CD8B2: variants seen among roughly 807,000 people sequenced by gnomAD.
CD8B2 encodes the protein T-cell surface glycoprotein CD8 beta-2 chain.
Under a neutral mutation model 23.7 loss-of-function variants are expected in CD8B2, and 11 were observed. The observed-to-expected ratio is 0.46, with a 90% CI of 0.29 to 0.77. The LOEUF (loss-of-function observed/expected upper bound fraction) is 0.77, where lower values mean the gene tolerates loss of function less well. CD8B2 is among the 30% of genes least tolerant of loss of function. The probability of loss-of-function intolerance (pLI) is 0.09; values close to 1 mark genes in which losing one functional copy is unlikely to be tolerated. For missense variants in CD8B2, 197 were observed against 270.5 expected (o/e 0.73, Z 1.91); for synonymous variants, 90 against 109.3 (o/e 0.82, Z 1.10).
chr2:106,519,833 A>G (rs1486433283), intron 5 of CD8B2, among the ~76,000 whole-genome samples: 1 of 152,222 alleles, frequency 6.6e-6, no homozygotes, highest in Non-Finnish European at 1.5e-5. Flanking sequence ...AAGTTTACAA[A>G]TTTGTGTTGG....
At chr2:106,530,761 G>C (rs1679980862) in intron 5 of CD8B2, among the ~76,000 whole-genome samples, 1 of 152,240 alleles carries the variant, frequency 6.6e-6, no homozygotes, top group Non-Finnish European at 1.5e-5. Context: ...AGGTCATAAA[G>C]ACCTTGCTGA....
At chr2:106,529,759 A>C (rs1445323219) in intron 5 of CD8B2, among the ~76,000 whole-genome samples, 1 of 152,176 alleles carries the variant, frequency 6.6e-6, no homozygotes, top group Non-Finnish European at 1.5e-5. Context: ...CATGCATCAC[A>C]GGTGAACAGG....
intron 2 of CD8B2, among the ~76,000 whole-genome samples, chr2:106,492,854 G>A (rs546118721): frequency 2.3e-4 from 35 of 152,308 alleles, no homozygotes; most frequent in East Asian, 5.8e-4. Context: ...ATCCCTTCAC[G>A]TGGGGATCCA....
At chr2:106,505,977 C>G (rs1158564614) in intron 5 of CD8B2, among the ~76,000 whole-genome samples, 1 of 152,034 alleles carries the variant, frequency 6.6e-6, no homozygotes, top group Non-Finnish European at 1.5e-5. Context: ...ACTAAAAATA[C>G]AAAAAATTAA....
In CD8B2 at chr2:106,507,815, G is replaced by A. The variant is rs1405999697; in HGVS notation, c.*875G>A. 1 of 211,862 alleles carries A rather than the reference G, an allele frequency of 4.7e-6. No homozygotes were observed. The highest frequency in any genetic ancestry group is 6.5e-5 in the Admixed American group (1 of 15,294). 13.1% of individuals were successfully genotyped at this position (211,862 alleles called of 1,614,324 possible). A position where few individuals can be genotyped will look rare whatever the true frequency, so the allele number is the denominator to read the frequency against. ...GACATTGTAGGTGTGGAGAGTCCTA[G>A]AGAGGCTAGGAAGCGCCCAGGGCAC... On this transcript the variant is annotated 3_prime_UTR_variant, in exon 6 of 6. Coordinates refer to ENST00000643224, the MANE Select transcript of CD8B2 (RefSeq NM_001349727.2).
At chr2:106,488,403 G>A (rs1041302190) in intron 1 of CD8B2, among the ~76,000 whole-genome samples, 4 of 151,870 alleles carry the variant, frequency 2.6e-5, no homozygotes, top group South Asian at 2.1e-4. Flanking sequence ...GCCACAGCCC[G>A]GAGTATTCAG....
chr2:106,487,532 T>C (rs1329616760), intron 1 of CD8B2, 63 bp downstream of exon 1: 12 of 1,002,530 alleles, frequency 1.2e-5, no homozygotes, highest in Non-Finnish European at 1.4e-5. Flanking sequence ...GGGGAGGTGA[T>C]ACGTGGCTGT....
intron 5 of CD8B2, among the ~76,000 whole-genome samples, chr2:106,539,461 A>T (rs1680139897): frequency 1.3e-5 from 2 of 152,214 alleles, no homozygotes; most frequent in Admixed American, 1.3e-4. Context: ...TGGAAAGTTG[A>T]TGTACTTGGG....
chr2:106,533,684 G>A (rs551112575), intron 5 of CD8B2, among the ~76,000 whole-genome samples: 145 of 152,320 alleles, frequency 9.5e-4, no homozygotes, highest in African/African-American at 3.4e-3. Context: ...ACACAGAAAA[G>A]AAGAATTAAA....
Position 106,507,525 on chromosome 2 carries a change from T to A in CD8B2, c.*585T>A, listed in dbSNP as rs1190009552. On this transcript the variant is annotated 3_prime_UTR_variant, in exon 6 of 6. Transcript: ENST00000643224. Reference sequence around the variant, plus strand: ...GGTTTGAGGATAGGAGTTCACTTCATCTTCTTAGCTCCAATTTCTACTCTT... The same window carrying A: ...GGTTTGAGGATAGGAGTTCACTTCAACTTCTTAGCTCCAATTTCTACTCTT... 25 of 983,866 alleles carry A rather than the reference T, an allele frequency of 2.5e-5. No individual in the cohort carries two copies. The highest frequency in any genetic ancestry group is 2.9e-5 in the Non-Finnish European group (24 of 828,578). The allele number at this position is 983,866 out of a possible 1,614,324, so 60.9% of individuals were successfully genotyped here.
chr2:106,519,335 A>G (rs1679782933), intron 5 of CD8B2, among the ~76,000 whole-genome samples: 1 of 152,168 alleles, frequency 6.6e-6, no homozygotes, highest in Non-Finnish European at 1.5e-5. Flanking sequence ...CCTGCTGACC[A>G]CTACTGCTTC....
chr2:106,493,836 A>C (rs1679243684), intron 2 of CD8B2, among the ~76,000 whole-genome samples: 1 of 152,170 alleles, frequency 6.6e-6, no homozygotes, highest in Non-Finnish European at 1.5e-5. Flanking sequence ...ACATTGTTTC[A>C]GCTCTCTGAG....
chr2:106,487,491 T>A, intron 1 of CD8B2, 22 bp downstream of exon 1: 1 of 1,232,462 alleles, frequency 8.1e-7, no homozygotes, highest in Non-Finnish European at 1.0e-6. Flanking sequence ...GCGCGCGGGC[T>A]GCCCAAGGTC....
At chr2:106,497,235 T>C (rs1268152022) in intron 3 of CD8B2, among the ~76,000 whole-genome samples, 1 of 152,204 alleles carries the variant, frequency 6.6e-6, no homozygotes, top group East Asian at 1.9e-4. Flanking sequence ...ATCCTGCCAC[T>C]GCACTCCAGC....
rs1035254958 is a variant in CD8B2, at chr2:106,535,802, C to T, written c.621-8190C>T. Among the ~76,000 whole-genome samples the T allele has an allele frequency of 1.4e-4, 21 of 152,178 alleles. 1 individual carries two copies. The highest frequency in any genetic ancestry group is 4.8e-4 in the African/African-American group (20 of 41,502). On this transcript the variant is annotated intron_variant, in intron 5 of 5. Coordinates refer to the CD8B2 transcript ENST00000416057. ...CCAGCTAATGGTTTATATATTAGTC[C>T]ATTCTTGCACTGCTATAAATACCTG...
chr2:106,502,290 G>A (rs1679422192), intron 3 of CD8B2, among the ~76,000 whole-genome samples, 184 bp from the exon 4 acceptor site: 1 of 21,212 alleles, frequency 4.7e-5, no homozygotes, highest in Non-Finnish European at 8.6e-5. Context: ...GCAAGACTCT[G>A]TCTCAAAAAA....
At chr2:106,489,746 T>C (rs1679155186) in intron 1 of CD8B2, among the ~76,000 whole-genome samples, 1 of 152,192 alleles carries the variant, frequency 6.6e-6, no homozygotes, top group Non-Finnish European at 1.5e-5. Context: ...CCTGTGTACA[T>C]GGCCATACAG....
At chr2:106,490,230 G>A (rs1199315906) in intron 1 of CD8B2, among the ~76,000 whole-genome samples, 2 of 151,768 alleles carry the variant, frequency 1.3e-5, no homozygotes, top group African/African-American at 2.4e-5. Context: ...GGCAGCCAGG[G>A]GAGGTGAAAG....
rs1245680945 is a variant in CD8B2 at position 106,504,948 on chromosome 2, C to T, written c.620+623C>T. The stretch of plus-strand genomic sequence containing the variant: ...CTGCCTTTGTCCCACCTGCCGCCCT[C>T]GACCCCATCTGGGTCCCAGGAGTTG... On this transcript the variant is annotated intron_variant, in intron 5 of 5. Transcript: ENST00000643224. 2.6e-5 allele frequency among the ~76,000 whole-genome samples: 4 copies of T among 152,180 alleles called. No individual in the cohort carries two copies. In the East Asian group the frequency reaches 7.7e-4, roughly 29 times the overall value.
Sources: allele counts gnomAD v4.1 joint callset (sites outside exome capture counted in the v4.1 genomes callset), GRCh38; gene constraint gnomAD v4.1.1; transcripts MANE v1.5; gene names NCBI Gene and HGNC (gene_info 2026-07-23, HGNC 2026-07-21).